Variants in ADGRL3 observed in about 807,000 individuals in gnomAD.
ADGRL3 encodes adhesion G protein-coupled receptor L3.
In ADGRL3, 62 loss-of-function variants were observed where a neutral mutation model predicts 153.5. The ratio of observed to expected loss-of-function variants is 0.40; its 90% CI spans 0.33 to 0.50. The LOEUF (loss-of-function observed/expected upper bound fraction) is 0.50, where lower values mean the gene tolerates loss of function less well. Ranked by LOEUF, ADGRL3 falls within the 20% of genes least tolerant of loss-of-function variation. The pLI, the probability that ADGRL3 is intolerant of heterozygous loss-of-function variation, is 0.47. For missense variants in ADGRL3, 1,641 were observed against 1,859.4 expected, an observed-to-expected ratio of 0.88 and a Z score of 2.16; for synonymous variants, 710 against 672.5, an observed-to-expected ratio of 1.06 and a Z score of -0.86.
chr4:61,237,308 G>A (rs991322695), intron 1 of ADGRL3, among the ~76,000 whole-genome samples: 1 of 152,116 alleles, frequency 6.6e-6, no homozygotes, highest in African/African-American at 2.4e-5. Context: ...ATACATAAGT[G>A]ACAATTTTTA....
intron 17 of ADGRL3, among the ~76,000 whole-genome samples, chr4:61,972,626 G>A (rs2099032836): frequency 6.6e-6 from 1 of 152,160 alleles, no homozygotes; most frequent in Admixed American, 6.6e-5. Flanking sequence ...GCTTAGGATT[G>A]ACTTCACGAT....
intron 17 of ADGRL3, among the ~76,000 whole-genome samples, chr4:61,960,797 G>T (rs752866711): frequency 1.4e-4 from 22 of 152,106 alleles, no homozygotes; most frequent in Admixed American, 3.3e-4. Context: ...TGCAAGCTCC[G>T]CCTCCCAGGT....
At chr4:61,303,242 T>A (rs999471269) in intron 1 of ADGRL3, among the ~76,000 whole-genome samples, 3 of 152,190 alleles carry the variant, frequency 2.0e-5, no homozygotes, top group African/African-American at 7.2e-5. Flanking sequence ...AAGCCCAGTT[T>A]TAGCCATTAC....
chr4:62,001,734 C>T (rs910207628), intron 21 of ADGRL3, among the ~76,000 whole-genome samples: 1 of 151,964 alleles, frequency 6.6e-6, no homozygotes, highest in African/African-American at 2.4e-5. Flanking sequence ...TGAGAGTGTT[C>T]GCTTTAAAGA....
intron 1 of ADGRL3, among the ~76,000 whole-genome samples, chr4:61,343,031 A>T (rs926051826): frequency 1.3e-5 from 2 of 152,110 alleles, no homozygotes. Flanking sequence ...GTGAAAGGGA[A>T]ACCTCTTTTA....
At chr4:61,835,729 G>GA (rs1333759793) in intron 9 of ADGRL3, among the ~76,000 whole-genome samples, 5 of 151,898 alleles carry the variant, frequency 3.3e-5, no homozygotes, top group African/African-American at 4.8e-5. Flanking sequence ...TCCATGGGGG[G>GA]AAAAAACCTC....
intron 2 of ADGRL3, chr4:61,428,229 A>C (rs1392857247): frequency 6.6e-6 from 1 of 152,618 alleles, no homozygotes; most frequent in Non-Finnish European, 1.5e-5. Context: ...ACCACCCCTC[A>C]CAGTGTCAGT....
intron 19 of ADGRL3, among the ~76,000 whole-genome samples, chr4:61,992,086 G>T (rs183211406): frequency 6.6e-6 from 1 of 151,918 alleles, no homozygotes; most frequent in East Asian, 1.9e-4. Context: ...AAAAGAAATT[G>T]CCATATCTTA....
At chr4:61,537,824 T>A (rs1054620343) in intron 4 of ADGRL3, among the ~76,000 whole-genome samples, 3 of 152,216 alleles carry the variant, frequency 2.0e-5, no homozygotes, top group African/African-American at 7.2e-5. Context: ...ATTCAGTGCT[T>A]GTTTCCTCTA....
intron 1 of ADGRL3, among the ~76,000 whole-genome samples, chr4:61,240,227 G>C (rs1193840519): frequency 6.6e-6 from 1 of 152,006 alleles, no homozygotes; most frequent in Non-Finnish European, 1.5e-5. Flanking sequence ...GCAAAAAGGG[G>C]CCCAGCTATT....
intron 6 of ADGRL3, among the ~76,000 whole-genome samples, chr4:61,690,372 G>T (rs1204996118): frequency 6.6e-6 from 1 of 152,020 alleles, no homozygotes; most frequent in Non-Finnish European, 1.5e-5. Flanking sequence ...GAGCCCAGGA[G>T]GTTGCGGTTG....
intron 1 of ADGRL3, among the ~76,000 whole-genome samples, chr4:61,269,548 A>G (rs546856189): frequency 3.0e-4 from 46 of 151,608 alleles, no homozygotes; most frequent in African/African-American, 1.1e-3. Flanking sequence ...CTGATTTGTG[A>G]TTTTTTTGGA....
At position 61,558,648 on chromosome 4, in the gene ADGRL3, T is replaced by G. The variant is rs945236983; in HGVS notation, c.260-28579T>G. On this transcript the variant is annotated intron_variant, in intron 4 of 26. Transcript: ENST00000683033. ...TCATCTATCTGTCTGTCTGTCTGCCTGCCTGCCTGCCTGTCTATGTGTCTA... is the reference window on the plus strand; with the variant it reads ...TCATCTATCTGTCTGTCTGTCTGCCGGCCTGCCTGCCTGTCTATGTGTCTA... 3.9e-5 allele frequency among the ~76,000 whole-genome samples: 6 copies of G among 152,096 alleles called. No individual in the cohort carries two copies. In the South Asian group the frequency reaches 1.0e-3, roughly 26 times the overall value.
chr4:61,998,266 G>T lies in ADGRL3; in HGVS notation c.3395+1G>T. 1 of 1,509,368 alleles carries T rather than the reference G, an allele frequency of 6.6e-7. No homozygotes were observed. The highest frequency in any genetic ancestry group is 9.0e-7 in the Non-Finnish European group (1 of 1,116,028). 93.5% of individuals were successfully genotyped at this position (1,509,368 alleles called of 1,614,324 possible). A position where few individuals can be genotyped will look rare whatever the true frequency, so the allele number is the denominator to read the frequency against. On this transcript the variant is annotated splice_donor_variant, in intron 21 of 26. Transcript: ENST00000683033. LOFTEE classifies it high-confidence loss of function. ...AATCAGGCTGTCTTGATAACATCAA[G>T]TAAGTGATTTTTATTTTTGTTTTCT...
chr4:62,004,395 A>G (rs929698896), intron 21 of ADGRL3, among the ~76,000 whole-genome samples: 3 of 151,920 alleles, frequency 2.0e-5, no homozygotes, highest in African/African-American at 7.2e-5. Flanking sequence ...AATTTCATCA[A>G]TTGCAGAGTT....
chr4:61,534,706 T>G (rs2098644449), intron 4 of ADGRL3, among the ~76,000 whole-genome samples: 1 of 152,082 alleles, frequency 6.6e-6, no homozygotes, highest in Non-Finnish European at 1.5e-5. Context: ...TGTGGATATT[T>G]TAAATGGGAT....
intron 5 of ADGRL3, among the ~76,000 whole-genome samples, chr4:61,637,228 A>G (rs1266126822): frequency 1.3e-5 from 2 of 152,166 alleles, no homozygotes; most frequent in African/African-American, 4.8e-5. Context: ...TTCAAATCCA[A>G]TATGACTTGT....
In ADGRL3 at chr4:62,070,843, A is replaced by G; in HGVS notation, c.4567A>G (p.Asn1523Asp). 2 of 1,551,716 alleles carry G rather than the reference A, an allele frequency of 1.3e-6. No individual in the cohort carries two copies. The highest frequency in any genetic ancestry group is 1.7e-6 in the Non-Finnish European group (2 of 1,146,974). Residue 1523 changes from asparagine to aspartate, a missense_variant, in exon 27 of 27, where the codon AAC (asparagine) becomes GAC (aspartate). Transcript: ENST00000683033. ...GSSDGFIVPPNKDGTPPEGSS... is the reference protein window; with the variant it reads ...GSSDGFIVPPDKDGTPPEGSS... ...CAGTGATGGATTTATAGTTCCTCCA[A>G]ACAAAGATGGGACCCCTCCCGAGGG...
rs575114181 is a variant in ADGRL3 at position 61,627,634 on chromosome 4, CAAAT to C, written c.473+40198_473+40201del. Among the ~76,000 whole-genome samples, 749 of 151,990 alleles carry C rather than the reference CAAAT, an allele frequency of 4.9e-3. 1 individual carries two copies. The highest frequency in any genetic ancestry group is 0.017 in the African/African-American group (699 of 41,476). On this transcript the variant is annotated intron_variant, in intron 5 of 26. Coordinates refer to ENST00000683033, the MANE Select transcript of ADGRL3 (RefSeq NM_001387552.1). ...AGACTCAATCTAAAAAACAAACAAA[CAAAT>C]AAAGAAACACAAACAAACAAAAAAG...
Sources: allele counts gnomAD v4.1 joint callset (sites outside exome capture counted in the v4.1 genomes callset), GRCh38; gene constraint gnomAD v4.1.1; transcripts MANE v1.5; gene names NCBI Gene and HGNC (gene_info 2026-07-23, HGNC 2026-07-21).